The following HOXB3 variants were observed in gnomAD, a reference collection of about 807,000 sequenced individuals.
HOXB3 encodes homeobox B3, also known as homeobox protein Hox-B3.
HOXB3 carries 17 observed loss-of-function variants against 29.2 expected under a neutral mutation model. The ratio of observed to expected loss-of-function variants is 0.58; its 90% CI spans 0.40 to 0.87. The LOEUF (loss-of-function observed/expected upper bound fraction) is 0.87, where lower values mean the gene tolerates loss of function less well. Ranked by LOEUF, HOXB3 falls within the 40% of genes least tolerant of loss-of-function variation. HOXB3 has a pLI of 0.00. For missense variants in HOXB3, 637 were observed against 616.3 expected (o/e 1.03, Z -0.35); for synonymous variants, 317 against 285.9 (o/e 1.11, Z -1.10).
intron 1 of HOXB3, chr17:48,580,143 G>A (rs1009442505): frequency 2.4e-5 from 7 of 291,374 alleles, no homozygotes. Flanking sequence ...TAGCCAGTTC[G>A]CAAAGGGACG....
Position 48,551,158 on chromosome 17 carries a change from C to T in HOXB3, c.472G>A (p.Gly158Ser). Residue 158 changes from glycine to serine, a missense_variant, in exon 5 of 5, where the codon GGT becomes AGT. Coordinates refer to ENST00000498678, the MANE Select transcript of HOXB3 (RefSeq NM_001384749.1). ...GTAEGCGGGG[G>S]GGGGGGSGGS... ...CCACTGCCTCCGCCGCCGCCGCCACCGCCGCCGCCACCACAGCCCTCTGCT... is the reference window on the plus strand; with the variant it reads ...CCACTGCCTCCGCCGCCGCCGCCACTGCCGCCGCCACCACAGCCCTCTGCT... 2 of 1,304,380 alleles carry T rather than the reference C, an allele frequency of 1.5e-6. No homozygotes were observed. The highest frequency in any genetic ancestry group is 1.9e-6 in the Non-Finnish European group (2 of 1,027,258). 80.8% of individuals were successfully genotyped at this position (1,304,380 alleles called of 1,614,324 possible). A position where few individuals can be genotyped will look rare whatever the true frequency, so the allele number is the denominator to read the frequency against.
chr17:48,576,848 GA>G, intron 1 of HOXB3: 1 of 1,614,262 alleles, frequency 6.2e-7, no homozygotes, highest in Non-Finnish European at 8.5e-7. Flanking sequence ...GCCGGTTCTG[GA>G]ACCAGATCTT....
rs929803193 is a variant in HOXB3, at chr17:48,550,263, C to T, written c.*71G>A. ...TCTCTGGCTCCTCTTTTCAGACCTC[C>T]AGGTTGCCCCCCAGAGCTCCACAGT... On this transcript the variant is annotated 3_prime_UTR_variant, in exon 5 of 5. Coordinates refer to ENST00000498678, the MANE Select transcript of HOXB3 (RefSeq NM_001384749.1). The T allele has an allele frequency of 3.3e-5, 53 of 1,597,318 alleles. No individual in the cohort carries two copies. The African/African-American group carries it at 6.4e-4, about 19-fold the overall frequency.
At position 48,551,150 on chromosome 17, in the gene HOXB3, G is replaced by A. The variant is rs2068722857; in HGVS notation, c.480C>T (p.Gly160=). 3 of 1,285,178 alleles carry A rather than the reference G, an allele frequency of 2.3e-6. No individual in the cohort carries two copies. The highest frequency in any genetic ancestry group is 5.3e-5 in the South Asian group (2 of 37,636). 79.6% of individuals were successfully genotyped at this position (1,285,178 alleles called of 1,614,324 possible). A position where few individuals can be genotyped will look rare whatever the true frequency, so the allele number is the denominator to read the frequency against. The change falls in exon 5 of 5, where the codon GGC becomes GGT. Residue 160 remains glycine (G), a synonymous_variant. Coordinates refer to ENST00000498678, the MANE Select transcript of HOXB3 (RefSeq NM_001384749.1). ...CGCTGCCACCACTGCCTCCGCCGCC[G>A]CCGCCACCGCCGCCGCCACCACAGC... ...AEGCGGGGGG[G]GGGGSGGSGG...
At chr17:48,555,913 C>G (rs1328219854) in intron 2 of HOXB3, among the ~76,000 whole-genome samples, 1 of 152,170 alleles carries the variant, frequency 6.6e-6, no homozygotes, top group Non-Finnish European at 1.5e-5. Flanking sequence ...CCCTATAAGA[C>G]TGGTACGCCC....
At chr17:48,587,208 G>T (rs1428388246) in intron 1 of HOXB3, among the ~76,000 whole-genome samples, 1 of 152,142 alleles carries the variant, frequency 6.6e-6, no homozygotes, top group Non-Finnish European at 1.5e-5. Context: ...TTCTGCTTAA[G>T]GGGCCCCCGT....
chr17:48,552,644 G>A lies in HOXB3; in HGVS notation c.-158-12C>T, dbSNP rs890100189. 3 of 572,784 alleles carry A rather than the reference G, an allele frequency of 5.2e-6. No homozygotes were observed. Among genetic ancestry groups the A allele is most frequent in the Non-Finnish European group, 9.2e-6 (3 of 325,098 alleles). 35.5% of individuals were successfully genotyped at this position (572,784 alleles called of 1,614,324 possible). A position where few individuals can be genotyped will look rare whatever the true frequency, so the allele number is the denominator to read the frequency against. ...TCCAAGCGGCTGACCTGCGAGGCGA[G>A]AGAAGAGACACAAGGGGGAGAAGAG... On this transcript the variant is annotated splice_polypyrimidine_tract_variant and intron_variant, in intron 3 of 4. Coordinates refer to ENST00000498678, the MANE Select transcript of HOXB3 (RefSeq NM_001384749.1).
intron 2 of HOXB3, among the ~76,000 whole-genome samples, chr17:48,568,066 C>T (rs925901761): frequency 3.9e-5 from 6 of 152,212 alleles, no homozygotes; most frequent in African/African-American, 1.4e-4. Flanking sequence ...TTGCACAGAA[C>T]TTTGATTTGG....
chr17:48,550,912 G>A lies in HOXB3; in HGVS notation c.718C>T (p.Arg240Cys). 1 of 1,613,964 alleles carries A rather than the reference G, an allele frequency of 6.2e-7. No homozygotes were observed. Among genetic ancestry groups the A allele is most frequent in the Non-Finnish European group, 8.5e-7 (1 of 1,179,956 alleles). The change falls in exon 5 of 5, where the codon CGC (arginine) becomes TGC (cysteine). Residue 240 changes from arginine to cysteine, a missense_variant. By Grantham distance (180) the Arg-to-Cys change is radical. Coordinates refer to ENST00000498678, the MANE Select transcript of HOXB3 (RefSeq NM_001384749.1). ...RQIKIWFQNR[R>C]MKYKKDQKAK... is the part of the protein sequence containing the mutation. ...TTCTGGTCCTTCTTGTACTTCATGCGCCGGTTCTGGAACCAGATCTTGATC... is the reference window on the plus strand; with the variant it reads ...TTCTGGTCCTTCTTGTACTTCATGCACCGGTTCTGGAACCAGATCTTGATC...
chr17:48,558,047 T>TAA (rs199519994), intron 2 of HOXB3, among the ~76,000 whole-genome samples: 1 of 149,396 alleles, frequency 6.7e-6, no homozygotes, highest in African/African-American at 2.5e-5. Context: ...CTCCCCCAAA[T>TAA]AAAAAAAAAG....
intron 1 of HOXB3, chr17:48,577,789 C>CA: frequency 7.9e-7 from 1 of 1,272,076 alleles, no homozygotes; most frequent in Non-Finnish European, 1.0e-6. Context: ...AACCCCCCCC[C>CA]AACCCATGCC....
chr17:48,550,418 G>A lies in HOXB3; in HGVS notation c.1212C>T (p.His404=). 1 of 1,614,088 alleles carries A rather than the reference G, an allele frequency of 6.2e-7. No homozygotes were observed. ...GAGAGGAGAGGTCTGTGTAGGTGGG[G>A]TGGGGTTCGCAGGGTCCGTGGTGCT... ...PSQHHGPCEP[H]PTYTDLSSHH... is the part of the protein sequence containing the mutation. Residue 404 remains histidine (H), a synonymous_variant, in exon 5 of 5, where the codon CAC becomes CAT. Coordinates refer to ENST00000498678, the MANE Select transcript of HOXB3 (RefSeq NM_001384749.1).
At position 48,550,782 on chromosome 17, in the gene HOXB3, G is replaced by A. The variant is rs760072532; in HGVS notation, c.848C>T (p.Thr283Ile). 62 of 1,610,380 alleles carry A rather than the reference G, an allele frequency of 3.9e-5. No homozygotes were observed. The highest frequency in any genetic ancestry group is 5.1e-5 in the Non-Finnish European group (60 of 1,177,604). Residue 283 changes from threonine to isoleucine, a missense_variant, in exon 5 of 5, where the codon ACC (threonine) becomes ATC (isoleucine). Coordinates refer to ENST00000498678, the MANE Select transcript of HOXB3 (RefSeq NM_001384749.1). The stretch of plus-strand genomic sequence containing the variant: ...TGGGGACGGGCTCTCGTAGCTGGGG[G>A]TCATGGAGTGTAAGGCGTTCATGAA... The part of the protein sequence containing the change: ...AGFMNALHSM[T>I]PSYESPSPPA...
chr17:48,561,701 G>A (rs888732633), intron 2 of HOXB3, among the ~76,000 whole-genome samples: 1 of 152,198 alleles, frequency 6.6e-6, no homozygotes, highest in Non-Finnish European at 1.5e-5. Context: ...CTGAGGCCCA[G>A]AGCAAGGAAG....
chr17:48,581,941 C>G (rs1042579788), intron 1 of HOXB3: 5 of 152,330 alleles, frequency 3.3e-5, no homozygotes, highest in African/African-American at 4.8e-5. Flanking sequence ...CTCCCCTTCA[C>G]CGCCCAGAAG....
intron 2 of HOXB3, 87 bp downstream of exon 2, chr17:48,573,750 A>G: frequency 1.5e-6 from 1 of 652,604 alleles, no homozygotes. Flanking sequence ...AGAAAAAGGA[A>G]GAGGCGAGAG....
At chr17:48,558,815 A>C (rs2069091869) in intron 2 of HOXB3, among the ~76,000 whole-genome samples, 1 of 152,096 alleles carries the variant, frequency 6.6e-6, no homozygotes, top group Non-Finnish European at 1.5e-5. Flanking sequence ...ATCATCCCTG[A>C]GAGTGAAGCC....
At chr17:48,588,703 C>T (rs993014456) in intron 1 of HOXB3, among the ~76,000 whole-genome samples, 4 of 152,210 alleles carry the variant, frequency 2.6e-5, no homozygotes, top group Non-Finnish European at 5.9e-5. Context: ...TACAAATGCC[C>T]TCATCATTCT....
At chr17:48,576,645 T>TGTCCCCCCCCCCCCCCC in intron 1 of HOXB3, 1 of 559,070 alleles carries the variant, frequency 1.8e-6, no homozygotes, top group Non-Finnish European at 2.5e-6. Flanking sequence ...CAGGGCCCCC[T>TGTCCCCCCCCCCCCCCC]CCTGTCCCCC....
Sources: allele counts gnomAD v4.1 joint callset (sites outside exome capture counted in the v4.1 genomes callset), GRCh38; gene constraint gnomAD v4.1.1; transcripts MANE v1.5; gene names NCBI Gene and HGNC (gene_info 2026-07-23, HGNC 2026-07-21).